Variants in MGAT4C observed in about 807,000 individuals in gnomAD.
The protein encoded by MGAT4C is alpha-1,3-mannosyl-glycoprotein 4-beta-N-acetylglucosaminyltransferase C.
A neutral mutation model predicts 40.1 loss-of-function variants in MGAT4C; 19 were observed. The observed-to-expected ratio is 0.47, with a 90% CI of 0.33 to 0.70. The LOEUF is 0.70. Ranked by LOEUF, MGAT4C falls within the 30% of genes least tolerant of loss-of-function variation. The pLI is 0.02. For missense variants in MGAT4C, 491 were observed against 563.2 expected (o/e 0.87, Z 1.30); for synonymous variants, 181 against 187.1 (o/e 0.97, Z 0.27).
chr12:86,458,376 A>G (rs1236439599), intron 2 of MGAT4C, among the ~76,000 whole-genome samples: 1 of 152,120 alleles, frequency 6.6e-6, no homozygotes, highest in Non-Finnish European at 1.5e-5. Flanking sequence ...TTCTTTGGTA[A>G]TGTCAGATTC....
chr12:86,727,917 A>T (rs1242941200), intron 1 of MGAT4C, among the ~76,000 whole-genome samples: 4 of 152,070 alleles, frequency 2.6e-5, no homozygotes, highest in African/African-American at 4.8e-5. Context: ...CAAAAAACTC[A>T]CTTAATTCTC....
At chr12:86,726,621 T>C (rs1277925947) in intron 2 of MGAT4C, among the ~76,000 whole-genome samples, 1 of 152,204 alleles carries the variant, frequency 6.6e-6, no homozygotes, top group Admixed American at 6.5e-5. Flanking sequence ...ATTAATTGGA[T>C]GTTTGTTAAT....
At chr12:86,626,557 T>G (rs1962811610) in intron 2 of MGAT4C, among the ~76,000 whole-genome samples, 1 of 152,196 alleles carries the variant, frequency 6.6e-6, no homozygotes, top group South Asian at 2.1e-4. Flanking sequence ...AGAGAATGGA[T>G]CTGAAGTAAT....
chr12:86,257,133 G>T (rs553189254), upstream of MGAT4C, among the ~76,000 whole-genome samples: 1 of 152,106 alleles, frequency 6.6e-6, no homozygotes, highest in Non-Finnish European at 1.5e-5. Flanking sequence ...GTAATTGAAA[G>T]CTACTCTATG....
chr12:86,079,581 C>CGGGTTGG (rs1343399731), intron 1 of MGAT4C, among the ~76,000 whole-genome samples: 2 of 151,868 alleles, frequency 1.3e-5, no homozygotes, highest in Admixed American at 1.3e-4. Flanking sequence ...TGAGAGGATG[C>CGGGTTGG]GGGTTGGAAT....
At chr12:86,550,293 T>C (rs537997570) in intron 2 of MGAT4C, among the ~76,000 whole-genome samples, 1 of 152,322 alleles carries the variant, frequency 6.6e-6, no homozygotes, top group South Asian at 2.1e-4. Context: ...GAGAATGGAC[T>C]AATACACAGA....
intron 3 of MGAT4C, among the ~76,000 whole-genome samples, chr12:86,392,224 C>T (rs993554479): frequency 6.6e-6 from 1 of 152,122 alleles, no homozygotes; most frequent in Non-Finnish European, 1.5e-5. Context: ...GTAATCCCAG[C>T]ACTTTGGGAG....
chr12:86,829,064 A>G (rs1952866481), intron 1 of MGAT4C, among the ~76,000 whole-genome samples: 1 of 151,666 alleles, frequency 6.6e-6, no homozygotes, highest in South Asian at 2.1e-4. Context: ...TCAGATATTA[A>G]TAAAAAATGG....
intron 1 of MGAT4C, among the ~76,000 whole-genome samples, chr12:86,107,765 G>A (rs1876479851): frequency 6.6e-6 from 1 of 152,078 alleles, no homozygotes. Flanking sequence ...TCTTAATGAA[G>A]TCATTGATGA....
chr12:86,002,573 T>C (rs557020134), intron 2 of MGAT4C: 36 of 151,400 alleles, frequency 2.4e-4, no homozygotes, highest in African/African-American at 8.2e-4. Flanking sequence ...ATAATATATG[T>C]ATACATTACA....
intron 2 of MGAT4C, among the ~76,000 whole-genome samples, chr12:86,631,554 G>C (rs997663227): frequency 1.3e-5 from 2 of 151,946 alleles, no homozygotes; most frequent in Non-Finnish European, 2.9e-5. Flanking sequence ...TACCAAAACA[G>C]ACATATAGAC....
In MGAT4C at chr12:86,486,566, A is replaced by G. The variant is rs999101069; in HGVS notation, c.-228-51301T>C. 5.3e-4 allele frequency among the ~76,000 whole-genome samples: 81 copies of G among 152,178 alleles called. 1 individual carries two copies. The highest frequency in any genetic ancestry group is 1.8e-3 in the African/African-American group (74 of 41,456). On this transcript the variant is annotated intron_variant, in intron 2 of 7. Coordinates refer to the MGAT4C transcript ENST00000548651. ...ATATGCACCCAGCATTGGTGTACCC[A>G]GATTCATAAAATCAGTTCTTCTTGA...
At chr12:86,647,083 C>T (rs1963561119) in intron 2 of MGAT4C, among the ~76,000 whole-genome samples, 1 of 151,826 alleles carries the variant, frequency 6.6e-6, no homozygotes, top group Admixed American at 6.6e-5. Context: ...GACATGGAAA[C>T]ATCGGCCCAA....
intron 2 of MGAT4C, among the ~76,000 whole-genome samples, chr12:86,553,079 T>C (rs1336779989): frequency 6.6e-6 from 1 of 152,124 alleles, no homozygotes; most frequent in Non-Finnish European, 1.5e-5. Context: ...GGTAAGTATT[T>C]CTTAAAGTAA....
At chr12:86,073,536 C>A (rs1449488941) in intron 1 of MGAT4C, among the ~76,000 whole-genome samples, 1 of 152,060 alleles carries the variant, frequency 6.6e-6, no homozygotes, top group East Asian at 1.9e-4. Context: ...CGGCTTTGAA[C>A]AAAATGCTTA....
chr12:86,456,271 A>G (rs1413150577), intron 2 of MGAT4C, among the ~76,000 whole-genome samples: 1 of 152,112 alleles, frequency 6.6e-6, no homozygotes, highest in Non-Finnish European at 1.5e-5. Context: ...ACAGAGAAAT[A>G]AGGATAAAAT....
chr12:86,437,322 T>G (rs1258463448), intron 2 of MGAT4C, among the ~76,000 whole-genome samples: 1 of 151,810 alleles, frequency 6.6e-6, no homozygotes. Context: ...ATACAAATAG[T>G]CATATTAAGG....
At chr12:86,517,791 G>A (rs1018645646) in intron 2 of MGAT4C, among the ~76,000 whole-genome samples, 8 of 152,030 alleles carry the variant, frequency 5.3e-5, no homozygotes, top group African/African-American at 9.7e-5. Flanking sequence ...GACGACAGGC[G>A]CCCGCCACCA....
chr12:86,518,694 G>T (rs1958740566), intron 2 of MGAT4C, among the ~76,000 whole-genome samples: 1 of 151,930 alleles, frequency 6.6e-6, no homozygotes, highest in African/African-American at 2.4e-5. Context: ...CTTTCCATAT[G>T]AAAAAAGAAA....
Sources: gnomAD v4.1 joint callset for allele counts (sites outside exome capture counted in the v4.1 genomes callset) on GRCh38, gnomAD v4.1.1 for gene constraint, MANE v1.5 for transcripts, NCBI Gene and HGNC (gene_info 2026-07-23, HGNC 2026-07-21) for gene names.